ASTN2: variants seen among roughly 807,000 people sequenced by gnomAD.
ASTN2 encodes astrotactin 2.
A neutral mutation model predicts 139.8 loss-of-function variants in ASTN2; 54 were observed. The ratio of observed to expected loss-of-function variants is 0.39; its 90% confidence interval spans 0.31 to 0.48. The LOEUF (loss-of-function observed/expected upper bound fraction) is 0.48, where lower values mean the gene tolerates loss of function less well. Among genes scored for constraint, ASTN2 ranks in the 20% least tolerant of loss-of-function variants. ASTN2 has a pLI of 0.95. For missense variants in ASTN2, 1,565 were observed against 1,725.1 expected, an observed-to-expected ratio of 0.91 and a Z score of 1.64; for synonymous variants, 756 against 719.5, an observed-to-expected ratio of 1.05 and a Z score of -0.81.
chr9:116,659,734 G>A (rs996800994), intron 16 of ASTN2, among the ~76,000 whole-genome samples: 4 of 152,106 alleles, frequency 2.6e-5, no homozygotes, highest in Non-Finnish European at 2.9e-5. Context: ...GGTCTCCTGG[G>A]TGGAAAGCAT....
intron 11 of ASTN2, among the ~76,000 whole-genome samples, chr9:116,846,350 AT>A (rs1832430821): frequency 6.6e-6 from 1 of 152,216 alleles, no homozygotes; most frequent in Non-Finnish European, 1.5e-5. Flanking sequence ...TATGTTATGC[AT>A]ATCTTATCAC....
intron 19 of ASTN2, among the ~76,000 whole-genome samples, chr9:116,518,637 A>G (rs565928132): frequency 6.6e-6 from 1 of 152,314 alleles, no homozygotes; most frequent in Admixed American, 6.5e-5. Context: ...GGCAACAAAT[A>G]GCACAATAAA....
At chr9:116,742,803 G>T (rs1033823187) in intron 13 of ASTN2, among the ~76,000 whole-genome samples, 1 of 152,084 alleles carries the variant, frequency 6.6e-6, no homozygotes, top group African/African-American at 2.4e-5. Flanking sequence ...AAAATAAAAA[G>T]ACTTCTTGGC....
intron 16 of ASTN2, among the ~76,000 whole-genome samples, chr9:116,712,025 T>C (rs560753452): frequency 2.6e-5 from 4 of 152,342 alleles, no homozygotes; most frequent in Admixed American, 1.3e-4. Flanking sequence ...TAAGTGCTCC[T>C]AGCAAAGGTA....
intron 1 of ASTN2, among the ~76,000 whole-genome samples, chr9:117,356,304 T>A (rs1380930887): frequency 6.6e-6 from 1 of 152,218 alleles, no homozygotes; most frequent in African/African-American, 2.4e-5. Context: ...AATATGCATC[T>A]CGATTCTTCT....
intron 19 of ASTN2, among the ~76,000 whole-genome samples, chr9:116,499,339 G>A (rs974238313): frequency 5.9e-5 from 9 of 152,086 alleles, no homozygotes; most frequent in Non-Finnish European, 8.8e-5. Flanking sequence ...GGATGATGCC[G>A]GAGAGGTACT....
intron 19 of ASTN2, among the ~76,000 whole-genome samples, chr9:116,565,387 C>CTATATATATATATA (rs1491583433): frequency 2.4e-5 from 1 of 42,098 alleles, no homozygotes; most frequent in Non-Finnish European, 4.1e-5. Flanking sequence ...CTCTCTCTCT[C>CTATATATATATATA]CATATATATA....
intron 17 of ASTN2, among the ~76,000 whole-genome samples, chr9:116,645,111 A>G (rs931397958): frequency 7.2e-5 from 11 of 152,198 alleles, no homozygotes; most frequent in Non-Finnish European, 1.5e-4. Context: ...CAGATCACAT[A>G]GACAGTAAAT....
intron 5 of ASTN2, among the ~76,000 whole-genome samples, chr9:117,087,121 G>T (rs1296043015): frequency 1.3e-5 from 2 of 152,218 alleles, no homozygotes; most frequent in Admixed American, 6.5e-5. Context: ...GACGTGAAAA[G>T]CTGCATCACA....
intron 11 of ASTN2, among the ~76,000 whole-genome samples, chr9:116,821,911 C>A (rs1327857194): frequency 6.6e-6 from 1 of 152,058 alleles, no homozygotes; most frequent in Admixed American, 6.6e-5. Flanking sequence ...CTCATCTTCT[C>A]CATCCCAGCT....
At chr9:116,609,135 GAA>G (rs2131789380) in intron 19 of ASTN2, among the ~76,000 whole-genome samples, 2 of 151,862 alleles carry the variant, frequency 1.3e-5, no homozygotes, top group Non-Finnish European at 1.5e-5. Flanking sequence ...TGGAGGAAAA[GAA>G]AAATGGCGGG....
intron 1 of ASTN2, among the ~76,000 whole-genome samples, chr9:117,382,282 G>A (rs1830294068): frequency 6.6e-6 from 1 of 152,120 alleles, no homozygotes; most frequent in Non-Finnish European, 1.5e-5. Context: ...TAGGTGTGGA[G>A]GACTAGCATT....
chr9:116,945,626 CT>C (rs1452093187), intron 10 of ASTN2, among the ~76,000 whole-genome samples: 1 of 151,812 alleles, frequency 6.6e-6, no homozygotes. Flanking sequence ...CCCTTCTGCC[CT>C]CCCTCCCTTC....
At chr9:116,513,592 T>C (rs1850503296) in intron 19 of ASTN2, among the ~76,000 whole-genome samples, 1 of 152,234 alleles carries the variant, frequency 6.6e-6, no homozygotes, top group Non-Finnish European at 1.5e-5. Context: ...TCCTGCAGAG[T>C]GTTTTCCAAC....
chr9:116,617,931 G>A (rs1027359714), intron 19 of ASTN2, among the ~76,000 whole-genome samples: 4 of 152,164 alleles, frequency 2.6e-5, no homozygotes, highest in African/African-American at 7.2e-5. Flanking sequence ...AAGACTCCAA[G>A]TGTATCTCAC....
chr9:116,480,456 T>C (rs923803872), intron 20 of ASTN2, among the ~76,000 whole-genome samples: 1 of 152,208 alleles, frequency 6.6e-6, no homozygotes, highest in African/African-American at 2.4e-5. Context: ...AAAGATTTAT[T>C]GGATTCTTAA....
intron 19 of ASTN2, among the ~76,000 whole-genome samples, chr9:116,578,770 G>GAAA (rs59722919): frequency 3.4e-5 from 5 of 146,526 alleles, no homozygotes; most frequent in African/African-American, 7.5e-5. Context: ...TTTTCAAATG[G>GAAA]AAAAAAAAAA....
At chr9:116,732,035 T>C (rs936501066) in intron 14 of ASTN2, among the ~76,000 whole-genome samples, 1 of 152,220 alleles carries the variant, frequency 6.6e-6, no homozygotes, top group Non-Finnish European at 1.5e-5. Flanking sequence ...AAGGAAGGCA[T>C]AGAAATTTTT....
intron 1 of ASTN2, among the ~76,000 whole-genome samples, chr9:117,389,226 G>T (rs1257995424): frequency 1.3e-5 from 2 of 152,130 alleles, no homozygotes; most frequent in African/African-American, 4.8e-5. Flanking sequence ...AAGGGCTTTT[G>T]GTTTTTCTTC....
Sources: allele counts gnomAD v4.1 joint callset (sites outside exome capture counted in the v4.1 genomes callset), GRCh38; gene constraint gnomAD v4.1.1; transcripts MANE v1.5; gene names NCBI Gene and HGNC (gene_info 2026-07-23, HGNC 2026-07-21).